The following DPYD variants were observed in gnomAD, a reference collection of about 807,000 sequenced individuals.
DPYD encodes the protein dihydropyrimidine dehydrogenase [NADP(+)].
A neutral mutation model predicts 116.2 loss-of-function variants in DPYD; 109 were observed. The ratio of observed to expected loss-of-function variants is 0.94; its 90% CI spans 0.80 to 1.10. The LOEUF (loss-of-function observed/expected upper bound fraction) is 1.10. Ranked by LOEUF, DPYD falls within the 50% of genes least tolerant of loss-of-function variation. DPYD has a pLI of 0.00. For synonymous variants in DPYD, 440 were observed against 432.0 expected (o/e 1.02, Z -0.23); for missense variants, 1,302 against 1,254.5 (o/e 1.04, Z -0.57).
intron 1 of DPYD, among the ~76,000 whole-genome samples, chr1:97,909,581 T>C (rs1205907811): frequency 6.8e-6 from 1 of 147,836 alleles, no homozygotes; most frequent in Non-Finnish European, 1.5e-5. Flanking sequence ...TCACACTTTT[T>C]CAATGTTACT....
chr1:97,541,946 A>T (rs1362254557), intron 12 of DPYD, among the ~76,000 whole-genome samples: 1 of 152,216 alleles, frequency 6.6e-6, no homozygotes, highest in African/African-American at 2.4e-5. Flanking sequence ...AGGTGAAGTC[A>T]TATTGAATTA....
chr1:97,791,403 G>T (rs1422776179), intron 3 of DPYD, among the ~76,000 whole-genome samples: 1 of 152,114 alleles, frequency 6.6e-6, no homozygotes, highest in Non-Finnish European at 1.5e-5. Flanking sequence ...TGCTTAATTT[G>T]GAAACCATAA....
At chr1:97,909,505 CTCACA>C in intron 1 of DPYD, among the ~76,000 whole-genome samples, 1 of 152,150 alleles carries the variant, frequency 6.6e-6, no homozygotes, top group South Asian at 2.1e-4. Context: ...GTCTTACTTC[CTCACA>C]TTCTATTTTC....
At chr1:97,905,489 A>T (rs1198230721) in intron 1 of DPYD, among the ~76,000 whole-genome samples, 1 of 152,078 alleles carries the variant, frequency 6.6e-6, no homozygotes, top group Non-Finnish European at 1.5e-5. Context: ...TCCCAAAACC[A>T]ATTCCAGTCC....
intron 14 of DPYD, among the ~76,000 whole-genome samples, chr1:97,388,587 C>A (rs1672493849): frequency 6.6e-6 from 1 of 152,066 alleles, no homozygotes; most frequent in Non-Finnish European, 1.5e-5. Context: ...AACGTGTCCA[C>A]TGGATTTGAA....
intron 3 of DPYD, among the ~76,000 whole-genome samples, chr1:97,773,201 T>A (rs1358669213): frequency 6.6e-6 from 1 of 152,214 alleles, no homozygotes; most frequent in African/African-American, 2.4e-5. Context: ...AGGCTAATGC[T>A]ATTTATCAAA....
chr1:97,738,330 C>A (rs1190841946), intron 4 of DPYD, among the ~76,000 whole-genome samples: 1 of 152,030 alleles, frequency 6.6e-6, no homozygotes, highest in Non-Finnish European at 1.5e-5. Flanking sequence ...GAAAAACTGA[C>A]TGAGGGGGGA....
At chr1:97,504,060 T>C (rs895842254) in intron 13 of DPYD, among the ~76,000 whole-genome samples, 3 of 151,908 alleles carry the variant, frequency 2.0e-5, no homozygotes, top group Admixed American at 6.6e-5. Context: ...GGAAACAAAA[T>C]GTTAACAAAA....
intron 3 of DPYD, among the ~76,000 whole-genome samples, chr1:97,749,102 T>G (rs1025949102): frequency 2.6e-5 from 4 of 152,170 alleles, no homozygotes; most frequent in African/African-American, 9.6e-5. Context: ...ACAGCCTATC[T>G]CCCTTCCCTT....
chr1:97,325,366 C>T (rs754066561), intron 16 of DPYD, among the ~76,000 whole-genome samples: 1 of 152,010 alleles, frequency 6.6e-6, no homozygotes, highest in African/African-American at 2.4e-5. Flanking sequence ...TAGAACTTAA[C>T]ATAAAACTGC....
intron 8 of DPYD, among the ~76,000 whole-genome samples, chr1:97,653,146 T>A (rs1318895639): frequency 6.6e-6 from 1 of 152,086 alleles, no homozygotes; most frequent in Non-Finnish European, 1.5e-5. Flanking sequence ...CCTATGAGCA[T>A]CTCTGGGAAG....
At chr1:97,726,464 C>T (rs1663267724) in intron 4 of DPYD, among the ~76,000 whole-genome samples, 1 of 151,572 alleles carries the variant, frequency 6.6e-6, no homozygotes, top group South Asian at 2.1e-4. Context: ...CTGATCTCTT[C>T]ACTTAGTAAA....
At chr1:97,676,788 G>A (rs775744495) in intron 8 of DPYD, among the ~76,000 whole-genome samples, 7 of 152,066 alleles carry the variant, frequency 4.6e-5, no homozygotes, top group Non-Finnish European at 7.4e-5. Flanking sequence ...TAGAGAATAC[G>A]GCTACTTGTC....
At chr1:97,402,432 C>G (rs1473697138) in intron 14 of DPYD, among the ~76,000 whole-genome samples, 3 of 152,010 alleles carry the variant, frequency 2.0e-5, no homozygotes, top group Non-Finnish European at 2.9e-5. Context: ...ATTGTTGGTA[C>G]AGAAGAAATC....
At chr1:97,796,984 C>T (rs1667603591) in intron 3 of DPYD, 1 of 152,070 alleles carries the variant, frequency 6.6e-6, no homozygotes, top group African/African-American at 2.4e-5. Context: ...ATAACAATCA[C>T]CCCTGGAAAA....
chr1:97,474,214 T>C (rs1417147807), intron 13 of DPYD, among the ~76,000 whole-genome samples: 1 of 152,108 alleles, frequency 6.6e-6, no homozygotes, highest in Non-Finnish European at 1.5e-5. Flanking sequence ...AAGTCTACAA[T>C]AAAATATTCT....
chr1:97,084,447 C>T (rs960885489), intron 21 of DPYD, among the ~76,000 whole-genome samples: 5 of 151,708 alleles, frequency 3.3e-5, no homozygotes, highest in African/African-American at 1.2e-4. Flanking sequence ...TCTTTCTCAC[C>T]TTTTCCCCTT....
chr1:97,249,657 A>G (rs1662953056), intron 18 of DPYD, among the ~76,000 whole-genome samples: 1 of 152,176 alleles, frequency 6.6e-6, no homozygotes, highest in African/African-American at 2.4e-5. Flanking sequence ...AAAATAAAGA[A>G]GCCAAAGTCT....
At chr1:97,915,164 A>G (rs928355721) in intron 1 of DPYD, among the ~76,000 whole-genome samples, 1 of 152,192 alleles carries the variant, frequency 6.6e-6, no homozygotes, top group African/African-American at 2.4e-5. Context: ...ACAGAAGAAG[A>G]AATGGCAGTC....
Sources: gnomAD v4.1 joint callset for allele counts (sites outside exome capture counted in the v4.1 genomes callset) on GRCh38, gnomAD v4.1.1 for gene constraint, MANE v1.5 for transcripts, NCBI Gene and HGNC (gene_info 2026-07-23, HGNC 2026-07-21) for gene names.